Variants in BMP2K observed in about 807,000 individuals in gnomAD.
BMP2K encodes the protein BMP-2-inducible protein kinase.
Under a neutral mutation model 116.0 loss-of-function variants are expected in BMP2K, and 74 were observed. That is an observed-to-expected ratio of 0.64 (90% CI 0.53 to 0.77). BMP2K has a LOEUF of 0.77. Ranked by LOEUF, BMP2K falls within the 30% of genes least tolerant of loss-of-function variation. The pLI is 0.00. For synonymous variants in BMP2K, 486 were observed against 502.5 expected, an observed-to-expected ratio of 0.97 and a Z score of 0.44; for missense variants, 1,365 against 1,403.6, an observed-to-expected ratio of 0.97 and a Z score of 0.44.
At position 78,842,502 on chromosome 4, in the gene BMP2K, C is replaced by G. The variant is rs777002309; in HGVS notation, c.521C>G (p.Thr174Ser). The G allele has an allele frequency of 4.4e-6, 7 of 1,588,758 alleles. No individual in the cohort carries two copies. In the South Asian group the frequency reaches 7.9e-5, roughly 18 times the overall value. The change falls in exon 4 of 16, where the codon ACT becomes AGT. Residue 174 changes from threonine to serine, a missense_variant. Coordinates refer to ENST00000502613, the MANE Select transcript of BMP2K (RefSeq NM_198892.2). Reference sequence around the variant, plus strand: ...GTTGCAAGGTTGCATCAGTGTAAGACTCCAATAATTCACCGGGATCTGAAG... The same window carrying G: ...GTTGCAAGGTTGCATCAGTGTAAGAGTCCAATAATTCACCGGGATCTGAAG... ...EAVARLHQCK[T>S]PIIHRDLKVE...
rs749728323 is a variant in BMP2K, at chr4:78,871,009, G to GCAC, written c.1481_1483dup (p.His494dup). On this transcript the variant is annotated inframe_insertion, in exon 11 of 16. Coordinates refer to ENST00000502613, the MANE Select transcript of BMP2K (RefSeq NM_198892.2). ...AGCAGCAGCAGCAGCAGCAGCAGCAGCACCACCACCACCACCACCACCACC... is the reference window on the plus strand; with the variant it reads ...AGCAGCAGCAGCAGCAGCAGCAGCAGCACCACCACCACCACCACCACCACCACC... 732 of 1,563,288 alleles carry GCAC rather than the reference G, an allele frequency of 4.7e-4. No individual in the cohort carries two copies. Among genetic ancestry groups the GCAC allele is most frequent in the Admixed American group, 2.2e-3 (129 of 58,020 alleles).
At chr4:78,787,366 T>G (rs1578465704) in intron 1 of BMP2K, among the ~76,000 whole-genome samples, 2 of 152,316 alleles carry the variant, frequency 1.3e-5, no homozygotes, top group East Asian at 3.9e-4. Flanking sequence ...GCCTGTTTTA[T>G]TTCTGTTATG....
Position 78,870,862 on chromosome 4 carries a change from A to G in BMP2K, c.1311A>G (p.Val437=). ...AGCAGCCGCCACAGCAGCATAGAGT[A>G]CTCCAGCAACTACAGCAGGGAGATT... ...PPQQPPQQHR[V]LQQLQQGDWR... Residue 437 remains valine (V), a synonymous_variant, in exon 11 of 16, where the codon GTA becomes GTG. Coordinates refer to ENST00000502613, the MANE Select transcript of BMP2K (RefSeq NM_198892.2). 1 of 1,613,752 alleles carries G rather than the reference A, an allele frequency of 6.2e-7. No homozygotes were observed. Among genetic ancestry groups the G allele is most frequent in the Non-Finnish European group, 8.5e-7 (1 of 1,179,940 alleles).
chr4:78,888,017 C>T (rs1314364387), intron 15 of BMP2K: 1 of 152,202 alleles, frequency 6.6e-6, no homozygotes, highest in Non-Finnish European at 1.5e-5. Flanking sequence ...ACATATGTAA[C>T]ACCATTTGAA....
chr4:78,844,155 A>G (rs916969189), intron 4 of BMP2K, among the ~76,000 whole-genome samples: 1 of 151,784 alleles, frequency 6.6e-6, no homozygotes, highest in Non-Finnish European at 1.5e-5. Flanking sequence ...TGTTCTAAGC[A>G]CTTTACATAT....
intron 1 of BMP2K, among the ~76,000 whole-genome samples, chr4:78,796,678 G>C (rs951965708): frequency 6.6e-6 from 1 of 152,134 alleles, no homozygotes; most frequent in Admixed American, 6.5e-5. Flanking sequence ...ATATATAAGA[G>C]TTCACTAAAA....
In BMP2K at chr4:78,914,853, G is replaced by A. The variant is rs574209566; in HGVS notation, c.*2820G>A. ...ACTAAGAGAAGTAAATTATTATGAA[G>A]CTAGCAAAAATCTTGAGGCCAAAGT... is the stretch of plus-strand genomic sequence containing the variant. On this transcript the variant is annotated 3_prime_UTR_variant, in exon 16 of 16. Coordinates refer to ENST00000502613, the MANE Select transcript of BMP2K (RefSeq NM_198892.2). 6.6e-6 allele frequency: 1 copy of A among 151,706 alleles called. No individual in the cohort carries two copies. Among genetic ancestry groups the A allele is most frequent in the East Asian group, 1.9e-4 (1 of 5,174 alleles). 9.4% of individuals were successfully genotyped at this position (151,706 alleles called of 1,614,324 possible). A position where few individuals can be genotyped will look rare whatever the true frequency, so the allele number is the denominator to read the frequency against.
chr4:78,911,465 G>A lies in BMP2K; in HGVS notation c.2918G>A (p.Arg973His), dbSNP rs768868929. ...AGCCAGCAGCAAAAAGTCAAACAGC[G>A]CAGCTTACAGAAACTGTCCTCTCGC... The part of the protein sequence containing the change: ...TGSQQQKVKQ[R>H]SLQKLSSRQR... The change falls in exon 16 of 16, where the codon CGC (arginine) becomes CAC (histidine). Residue 973 changes from arginine (R) to histidine (H), a missense_variant. Transcript: ENST00000502613. 1.2e-6 allele frequency: 2 copies of A among 1,613,904 alleles called. No individual in the cohort carries two copies. The highest frequency in any genetic ancestry group is 1.3e-5 in the African/African-American group (1 of 74,938).
Position 78,911,962 on chromosome 4 carries a change from C to T in BMP2K, c.3415C>T (p.His1139Tyr). ...ACTTGTGGTGCAAAGCATCACTCCA[C>T]ATCAGTCCCAACAGTCCCAACCAGT... Reference protein sequence around the residue: ...TELVVQSITPHQSQQSQPVEL... With the variant: ...TELVVQSITPYQSQQSQPVEL... The change falls in exon 16 of 16, where the codon CAT (histidine) becomes TAT (tyrosine). Residue 1139 changes from histidine (H) to tyrosine (Y), a missense_variant. Physicochemically the swap from His to Tyr is moderately conservative, Grantham distance 83. This residue lies in a region of BMP2K where 596 missense variants were observed against 623.2 expected (regional missense o/e 0.96). Transcript: ENST00000502613. The T allele has an allele frequency of 6.2e-7, 1 of 1,614,034 alleles. No individual in the cohort carries two copies. The highest frequency in any genetic ancestry group is 8.5e-7 in the Non-Finnish European group (1 of 1,179,878).
At chr4:78,830,552 A>C (rs553807393) in intron 2 of BMP2K, among the ~76,000 whole-genome samples, 1 of 152,340 alleles carries the variant, frequency 6.6e-6, no homozygotes, top group South Asian at 2.1e-4. Flanking sequence ...CCTAGATGGC[A>C]TCTTCCTCCA....
At chr4:78,834,847 C>T (rs766238446) in intron 3 of BMP2K, among the ~76,000 whole-genome samples, 1 of 152,104 alleles carries the variant, frequency 6.6e-6, no homozygotes, top group Non-Finnish European at 1.5e-5. Flanking sequence ...CAATACCTAC[C>T]GTGATGTATT....
At chr4:78,873,085 G>A (rs890894148) in intron 13 of BMP2K, among the ~76,000 whole-genome samples, 3 of 151,998 alleles carry the variant, frequency 2.0e-5, no homozygotes, top group African/African-American at 7.3e-5. Flanking sequence ...GGTAATGTAA[G>A]TATAAACAAC....
chr4:78,820,164 C>T (rs1310040349), intron 1 of BMP2K, among the ~76,000 whole-genome samples: 1 of 152,158 alleles, frequency 6.6e-6, no homozygotes, highest in Non-Finnish European at 1.5e-5. Flanking sequence ...AGAAATTTAG[C>T]AGGAAGTATT....
intron 1 of BMP2K, among the ~76,000 whole-genome samples, chr4:78,799,305 C>T (rs1391472222): frequency 1.3e-5 from 2 of 151,988 alleles, no homozygotes; most frequent in African/African-American, 4.8e-5. Context: ...ACCCTTTCCC[C>T]AGAAAAATTT....
At chr4:78,882,517 CATA>C (rs1732915280) in intron 14 of BMP2K, among the ~76,000 whole-genome samples, 1 of 151,482 alleles carries the variant, frequency 6.6e-6, no homozygotes, top group Non-Finnish European at 1.5e-5. Flanking sequence ...AGCAATTTGT[CATA>C]ATATTTTAGT....
At chr4:78,904,008 T>C (rs962393937) in intron 15 of BMP2K, among the ~76,000 whole-genome samples, 2 of 151,952 alleles carry the variant, frequency 1.3e-5, no homozygotes, top group African/African-American at 2.4e-5. Context: ...TATAAAAAGA[T>C]GTTGGACTAA....
At chr4:78,875,744 A>G (rs779226371) in intron 13 of BMP2K, among the ~76,000 whole-genome samples, 24 of 152,190 alleles carry the variant, frequency 1.6e-4, no homozygotes, top group Non-Finnish European at 2.9e-4. Context: ...GTTCACTCAC[A>G]TGGCTTTGGG....
At position 78,809,580 on chromosome 4, in the gene BMP2K, G is replaced by A. The variant is rs545883984; in HGVS notation, c.179-16457G>A. Among the ~76,000 whole-genome samples, 321 of 151,582 alleles carry A rather than the reference G, an allele frequency of 2.1e-3. 1 individual carries two copies. Among genetic ancestry groups the A allele is most frequent in the African/African-American group, 7.1e-3 (294 of 41,338 alleles). On this transcript the variant is annotated intron_variant, in intron 1 of 15. Coordinates refer to ENST00000502613, the MANE Select transcript of BMP2K (RefSeq NM_198892.2). Reference sequence around the variant, plus strand: ...TGTCTTGTACAGACGAGGTTTCACTGTGTTGCCCAGTCTGGACTTGAACTC... The same window carrying A: ...TGTCTTGTACAGACGAGGTTTCACTATGTTGCCCAGTCTGGACTTGAACTC...
chr4:78,818,163 T>G (rs992997076), intron 1 of BMP2K, among the ~76,000 whole-genome samples: 1 of 152,204 alleles, frequency 6.6e-6, no homozygotes, highest in African/African-American at 2.4e-5. Context: ...GGGATACACG[T>G]GTATAACGTG....
Sources: gnomAD v4.1 joint callset for allele counts (sites outside exome capture counted in the v4.1 genomes callset) on GRCh38, gnomAD v4.1.1 for gene constraint, gnomAD v4.1.1 regional missense constraint, MANE v1.5 for transcripts, NCBI Gene and HGNC (gene_info 2026-07-23, HGNC 2026-07-21) for gene names.